Variants in PLEKHA2 observed in about 807,000 individuals in gnomAD.
The protein encoded by PLEKHA2 is pleckstrin homology domain-containing family A member 2.
Under a neutral mutation model 53.2 loss-of-function variants are expected in PLEKHA2, and 28 were observed. The ratio of observed to expected loss-of-function variants is 0.53; its 90% CI spans 0.39 to 0.72. PLEKHA2 has a LOEUF of 0.72. Ranked by LOEUF, PLEKHA2 falls within the 30% of genes least tolerant of loss-of-function variation. PLEKHA2 has a pLI of 0.00. For synonymous variants in PLEKHA2, 193 were observed against 196.4 expected (o/e 0.98, Z 0.14); for missense variants, 426 against 537.9 (o/e 0.79, Z 2.06).
At chr8:38,960,216 C>T (rs775762336) in intron 10 of PLEKHA2, among the ~76,000 whole-genome samples, 3 of 152,108 alleles carry the variant, frequency 2.0e-5, no homozygotes, top group African/African-American at 4.8e-5. Flanking sequence ...AATAAGTAAA[C>T]GAGAGGGAGG....
chr8:38,913,227 G>A (rs1359495779), intron 1 of PLEKHA2, among the ~76,000 whole-genome samples: 2 of 152,110 alleles, frequency 1.3e-5, no homozygotes, highest in African/African-American at 4.8e-5. Context: ...AGCTGGGTGT[G>A]GTGATGTGCA....
intron 5 of PLEKHA2, among the ~76,000 whole-genome samples, chr8:38,947,494 A>G (rs774665102): frequency 6.6e-6 from 1 of 152,172 alleles, no homozygotes; most frequent in Non-Finnish European, 1.5e-5. Flanking sequence ...CTGGTGGCTT[A>G]CACCTGTATT....
At chr8:38,944,065 T>A (rs1254747836) in intron 4 of PLEKHA2, among the ~76,000 whole-genome samples, 2 of 152,174 alleles carry the variant, frequency 1.3e-5, no homozygotes, top group African/African-American at 2.4e-5. Context: ...TTCTGTTTTC[T>A]TTCTTTTTTT....
At chr8:38,909,687 T>C (rs1398880497) in intron 1 of PLEKHA2, among the ~76,000 whole-genome samples, 2 of 152,174 alleles carry the variant, frequency 1.3e-5, no homozygotes, top group South Asian at 4.1e-4. Flanking sequence ...CATTTCATTC[T>C]CTGGCAGGCA....
intron 10 of PLEKHA2, among the ~76,000 whole-genome samples, chr8:38,968,223 C>A (rs1425947708): frequency 6.6e-6 from 1 of 152,118 alleles, no homozygotes; most frequent in Non-Finnish European, 1.5e-5. Flanking sequence ...AGCCATAAAC[C>A]TTGGGCTTTG....
At chr8:38,954,103 G>A (rs376119355) in intron 9 of PLEKHA2, among the ~76,000 whole-genome samples, 5 of 152,250 alleles carry the variant, frequency 3.3e-5, no homozygotes, top group African/African-American at 1.2e-4. Flanking sequence ...GGGTGTTTGT[G>A]TCCCTCCGTC....
chr8:38,951,667 T>G (rs934889727), intron 6 of PLEKHA2, among the ~76,000 whole-genome samples: 1 of 151,546 alleles, frequency 6.6e-6, no homozygotes, highest in African/African-American at 2.4e-5. Flanking sequence ...CCTGGCTAAA[T>G]TTTTTTGTAT....
chr8:38,917,743 C>CT, intron 1 of PLEKHA2, among the ~76,000 whole-genome samples, 164 bp from the exon 2 acceptor site: 2 of 152,224 alleles, frequency 1.3e-5, no homozygotes, highest in Middle Eastern at 3.4e-3. Flanking sequence ...TTTAGGGGTG[C>CT]TTAACATTGG....
rs183432391 is a variant in PLEKHA2, at chr8:38,949,258, A to G, written c.346-1592A>G. On this transcript the variant is annotated intron_variant, in intron 5 of 11. Coordinates refer to ENST00000617275, the MANE Select transcript of PLEKHA2 (RefSeq NM_021623.2). ...TTTTTTCTTTCTAACAAAATGAAAG[A>G]TTTCCTCAGCATTTGCAGACTCTAG... Among the ~76,000 whole-genome samples, 98 of 151,484 alleles carry G rather than the reference A, an allele frequency of 6.5e-4. 1 individual carries two copies. The highest frequency in any genetic ancestry group is 3.4e-3 in the Middle Eastern group (1 of 294).
At chr8:38,926,380 AC>A (rs1390181531) in intron 2 of PLEKHA2, among the ~76,000 whole-genome samples, 2 of 140,818 alleles carry the variant, frequency 1.4e-5, no homozygotes, top group African/African-American at 5.3e-5. Flanking sequence ...ATTAAAAAGT[AC>A]TTTTTTTTTT....
At chr8:38,948,097 A>AT (rs1834750086) in intron 5 of PLEKHA2, among the ~76,000 whole-genome samples, 1 of 151,568 alleles carries the variant, frequency 6.6e-6, no homozygotes, top group Non-Finnish European at 1.5e-5. Context: ...AAAAAAAAAA[A>AT]AAAAAAATTG....
chr8:38,950,694 A>G (rs1301266220), intron 5 of PLEKHA2, 156 bp from the exon 6 acceptor site: 2 of 823,072 alleles, frequency 2.4e-6, no homozygotes. Context: ...AGATGCTCAT[A>G]TTCAGATTTG....
In PLEKHA2 at chr8:38,973,814, G is replaced by A. The variant is rs1282667158; in HGVS notation, c.*4031G>A. 1.4e-5 allele frequency: 3 copies of A among 206,958 alleles called. No homozygotes were observed. Among genetic ancestry groups the A allele is most frequent in the Non-Finnish European group, 2.9e-5 (3 of 103,990 alleles). 12.8% of individuals were successfully genotyped at this position (206,958 alleles called of 1,614,324 possible). ...AGGCTGAGTGCATGGAAACTGTTACGCTTCTCATTTTATGTGATCTCCTAA... is the reference window on the plus strand; with the variant it reads ...AGGCTGAGTGCATGGAAACTGTTACACTTCTCATTTTATGTGATCTCCTAA... On this transcript the variant is annotated 3_prime_UTR_variant, in exon 12 of 12. Transcript: ENST00000617275.
At chr8:38,921,382 G>A (rs549828444) in intron 2 of PLEKHA2, among the ~76,000 whole-genome samples, 1 of 152,366 alleles carries the variant, frequency 6.6e-6, no homozygotes, top group African/African-American at 2.4e-5. Context: ...CTGTCTGGCT[G>A]TTGCCAGCTG....
intron 2 of PLEKHA2, among the ~76,000 whole-genome samples, chr8:38,918,434 T>G (rs953353209): frequency 4.2e-5 from 4 of 96,094 alleles, no homozygotes; most frequent in Middle Eastern, 9.8e-3. Context: ...ACACACACCA[T>G]ACACACACAC....
chr8:38,925,305 T>C (rs1834265727), intron 2 of PLEKHA2, among the ~76,000 whole-genome samples: 1 of 152,236 alleles, frequency 6.6e-6, no homozygotes, highest in Non-Finnish European at 1.5e-5. Context: ...CGCCCTACTC[T>C]AGTACAGCAA....
chr8:38,952,042 G>A (rs371658916), intron 6 of PLEKHA2, 124 bp from the exon 7 acceptor site: 2 of 1,255,090 alleles, frequency 1.6e-6, no homozygotes, highest in African/African-American at 1.5e-5. Context: ...GAGCCACTGT[G>A]CCCACCATTT....
At chr8:38,905,024 A>G (rs1833848911) in intron 1 of PLEKHA2, among the ~76,000 whole-genome samples, 1 of 151,950 alleles carries the variant, frequency 6.6e-6, no homozygotes, top group Non-Finnish European at 1.5e-5. Context: ...AGACTTAAGC[A>G]ACTTTTCTGC....
chr8:38,941,171 C>G (rs993529729), intron 3 of PLEKHA2, among the ~76,000 whole-genome samples: 1 of 151,888 alleles, frequency 6.6e-6, no homozygotes, highest in Non-Finnish European at 1.5e-5. Flanking sequence ...ATTCTCCTGC[C>G]TCGGCCTCCC....
Sources: gnomAD v4.1 joint callset for allele counts (sites outside exome capture counted in the v4.1 genomes callset) on GRCh38, gnomAD v4.1.1 for gene constraint, MANE v1.5 for transcripts, NCBI Gene and HGNC (gene_info 2026-07-23, HGNC 2026-07-21) for gene names.